Variants in KCNIP3 observed in about 807,000 individuals in gnomAD.
KCNIP3 encodes the protein calsenilin.
In KCNIP3, 28 loss-of-function variants were observed where a neutral mutation model predicts 35.0. The observed-to-expected ratio is 0.80, with a 90% CI of 0.59 to 1.10. The LOEUF (loss-of-function observed/expected upper bound fraction) is 1.10. KCNIP3 is among the 50% of genes least tolerant of loss of function. The probability of loss-of-function intolerance (pLI) is 0.00; values close to 1 mark genes in which losing one functional copy is unlikely to be tolerated. For synonymous variants in KCNIP3, 134 were observed against 133.8 expected (o/e 1.00, Z -0.01); for missense variants, 295 against 338.4 (o/e 0.87, Z 1.01).
At chr2:95,309,655 C>T (rs1485908605) in intron 1 of KCNIP3, among the ~76,000 whole-genome samples, 1 of 152,156 alleles carries the variant, frequency 6.6e-6, no homozygotes, top group East Asian at 1.9e-4. Flanking sequence ...AACTCCTGAC[C>T]TCAGGTGATC....
At position 95,375,224 on chromosome 2, in the gene KCNIP3, T is replaced by C. The variant is rs752834432; in HGVS notation, c.447+16T>C. The C allele has an allele frequency of 3.1e-6, 5 of 1,612,258 alleles. No homozygotes were observed. Among genetic ancestry groups the C allele is most frequent in the Non-Finnish European group, 4.2e-6 (5 of 1,178,338 alleles). On this transcript the variant is annotated intron_variant, in intron 5 of 8. Transcript: ENST00000295225. ...CCACTTTGAGGTAGGTCCTCGCGGA[T>C]TCCTCCCACGTGTCCTGCCCCTGTG...
rs560598728 is a variant in KCNIP3 at position 95,347,848 on chromosome 2, A to G, written c.182-26448A>G. On this transcript the variant is annotated intron_variant, in intron 2 of 8. Coordinates refer to ENST00000295225, the MANE Select transcript of KCNIP3 (RefSeq NM_013434.5). ...CGTCCCTGTTGCCCTCTCCGAGGAC[A>G]TGGGCATCCTGCCTGCCCCAGCACT... is the stretch of plus-strand genomic sequence containing the variant. Among the ~76,000 whole-genome samples the G allele has an allele frequency of 1.6e-3, 243 of 152,300 alleles. 1 individual carries two copies. The highest frequency in any genetic ancestry group is 5.7e-3 in the African/African-American group (235 of 41,570).
rs59076391 is a variant in KCNIP3 at position 95,375,104 on chromosome 2, C to T, written c.377-34C>T. On this transcript the variant is annotated intron_variant, in intron 4 of 8. Coordinates refer to ENST00000295225, the MANE Select transcript of KCNIP3 (RefSeq NM_013434.5). ...TGGGAGATGAGCCGCCAGGCAGCCC[C>T]GACACACCCCAGCCTCTTCCTTGCC... 571 of 1,607,320 alleles carry T rather than the reference C, an allele frequency of 3.6e-4. 3 individuals are homozygous for T. The African/African-American group carries it at 6.6e-3, about 18-fold the overall frequency.
chr2:95,304,951 T>G (rs1316345371), intron 1 of KCNIP3, among the ~76,000 whole-genome samples: 3 of 152,184 alleles, frequency 2.0e-5, no homozygotes, highest in Non-Finnish European at 4.4e-5. Flanking sequence ...CCTCTATCCT[T>G]CAGGGAAACT....
chr2:95,364,415 G>C (rs1404698137), intron 2 of KCNIP3, among the ~76,000 whole-genome samples: 1 of 152,116 alleles, frequency 6.6e-6, no homozygotes, highest in Non-Finnish European at 1.5e-5. Context: ...GTGTTCAAAA[G>C]TGGCATTAGG....
intron 1 of KCNIP3, among the ~76,000 whole-genome samples, chr2:95,299,461 G>A (rs1044971509): frequency 2.6e-5 from 4 of 152,142 alleles, no homozygotes; most frequent in African/African-American, 7.2e-5. Flanking sequence ...ATGACTGCCC[G>A]GCTCCCTAGC....
intron 1 of KCNIP3, among the ~76,000 whole-genome samples, chr2:95,298,364 G>A (rs1235991504): frequency 1.3e-5 from 2 of 152,082 alleles, no homozygotes; most frequent in African/African-American, 4.8e-5. Flanking sequence ...AGCATTTCAG[G>A]CCTGCCCTGT....
intron 1 of KCNIP3, among the ~76,000 whole-genome samples, chr2:95,300,333 G>A (rs1677991161): frequency 6.6e-6 from 1 of 152,236 alleles, no homozygotes; most frequent in South Asian, 2.1e-4. Flanking sequence ...AGGCTGCCTT[G>A]TCTTATCAAG....
chr2:95,381,583 C>A lies in KCNIP3; in HGVS notation c.448-13C>A. ...GATTGGATGTCACGCCCCACACTCT[C>A]CTTTCCCCATAGGACTTTGTGGTTG... On this transcript the variant is annotated splice_polypyrimidine_tract_variant and intron_variant, in intron 5 of 8. Coordinates refer to ENST00000295225, the MANE Select transcript of KCNIP3 (RefSeq NM_013434.5). 5.6e-6 allele frequency: 9 copies of A among 1,602,770 alleles called. No individual in the cohort carries two copies. The highest frequency in any genetic ancestry group is 7.7e-6 in the Non-Finnish European group (9 of 1,169,696).
chr2:95,324,886 G>A (rs947866470), intron 2 of KCNIP3, among the ~76,000 whole-genome samples: 99 of 152,282 alleles, frequency 6.5e-4, no homozygotes, highest in Non-Finnish European at 1.6e-4. Flanking sequence ...ACTCCAGCCT[G>A]GGTGACAGAG....
chr2:95,337,924 A>T (rs1311819464), intron 2 of KCNIP3, among the ~76,000 whole-genome samples: 1 of 152,188 alleles, frequency 6.6e-6, no homozygotes, highest in Non-Finnish European at 1.5e-5. Context: ...GGGGCCAAGA[A>T]AGTCCAGGCC....
intron 2 of KCNIP3, among the ~76,000 whole-genome samples, chr2:95,370,454 T>G (rs1193072184): frequency 6.6e-6 from 1 of 152,224 alleles, no homozygotes; most frequent in African/African-American, 2.4e-5. Context: ...GGGAGGTATC[T>G]CCACTCTGGC....
At chr2:95,346,793 G>C (rs1679381905) in intron 2 of KCNIP3, 1 of 175,972 alleles carries the variant, frequency 5.7e-6, no homozygotes, top group Non-Finnish European at 1.2e-5. Context: ...GGGCTCGGCC[G>C]CCGCGTCCGG....
rs1466525450 is a variant in KCNIP3, at chr2:95,384,181, C to CACACAT, written c.*137_*138insTACACA. On this transcript the variant is annotated 3_prime_UTR_variant, in exon 9 of 9. Coordinates refer to ENST00000295225, the MANE Select transcript of KCNIP3 (RefSeq NM_013434.5). The stretch of plus-strand genomic sequence containing the variant: ...GTGAACAGATTGCTACACACACACA[C>CACACAT]ACACACACACACACACACACACACA... The CACACAT allele has an allele frequency of 1.5e-6, 1 of 648,152 alleles. No individual in the cohort carries two copies. Among genetic ancestry groups the CACACAT allele is most frequent in the Admixed American group, 2.2e-5 (1 of 44,540 alleles). 40.2% of individuals were successfully genotyped at this position (648,152 alleles called of 1,614,324 possible).
chr2:95,381,622 G>T lies in KCNIP3; in HGVS notation c.474G>T (p.Leu158=), dbSNP rs779750868. 6.2e-6 allele frequency: 10 copies of T among 1,613,946 alleles called. No individual in the cohort carries two copies. The Admixed American group carries it at 8.3e-5, about 13-fold the overall frequency. Residue 158 remains leucine, a synonymous_variant, in exon 6 of 9, where the codon CTG becomes CTT. Coordinates refer to ENST00000295225, the MANE Select transcript of KCNIP3 (RefSeq NM_013434.5). ...FEDFVVGLSI[L]LRGTVHEKLK... The stretch of plus-strand genomic sequence containing the variant: ...ACTTTGTGGTTGGCCTCTCCATCCT[G>T]CTGCGGGGCACAGTCCACGAGAAGC...
chr2:95,351,515 G>A (rs1236897491), intron 2 of KCNIP3, among the ~76,000 whole-genome samples: 7 of 152,232 alleles, frequency 4.6e-5, no homozygotes, highest in African/African-American at 4.8e-5. Flanking sequence ...AAGGTGCAGT[G>A]GCCATCTATT....
At chr2:95,332,434 C>T (rs942810182) in intron 2 of KCNIP3, among the ~76,000 whole-genome samples, 6 of 152,216 alleles carry the variant, frequency 3.9e-5, no homozygotes, top group African/African-American at 7.2e-5. Context: ...GCCAACATGG[C>T]GGAACGCCAT....
At chr2:95,368,707 G>C (rs1679975409) in intron 2 of KCNIP3, 1 of 254,946 alleles carries the variant, frequency 3.9e-6, no homozygotes, top group South Asian at 7.6e-5. Flanking sequence ...CTGTGTGAAT[G>C]AATATGCTTT....
Position 95,378,961 on chromosome 2 carries a change from G to A in KCNIP3, c.448-2635G>A, listed in dbSNP as rs557012749. On this transcript the variant is annotated intron_variant, in intron 5 of 8. Transcript: ENST00000295225. The surrounding 1 kb of genome is among the most constrained non-coding windows in gnomAD (Gnocchi z 4.0). Reference sequence around the variant, plus strand: ...CACATGACTGGAGTCCAACACATTCGCAGGGTGCACGTTGGAAAACCAGCA... The same window carrying A: ...CACATGACTGGAGTCCAACACATTCACAGGGTGCACGTTGGAAAACCAGCA... Among the ~76,000 whole-genome samples, 1 of 151,246 alleles carries A rather than the reference G, an allele frequency of 6.6e-6. No homozygotes were observed.
Sources: gnomAD v4.1 joint callset for allele counts (sites outside exome capture counted in the v4.1 genomes callset) on GRCh38, gnomAD v4.1.1 for gene constraint, Gnocchi (gnomAD v3.1) non-coding constraint, MANE v1.5 for transcripts, NCBI Gene and HGNC (gene_info 2026-07-23, HGNC 2026-07-21) for gene names.